Variants in CNBD1 observed in about 807,000 individuals in gnomAD.
CNBD1 encodes cyclic nucleotide binding domain containing 1, also known as cyclic nucleotide-binding domain-containing protein 1.
A neutral mutation model predicts 54.4 loss-of-function variants in CNBD1; 71 were observed. The ratio of observed to expected loss-of-function variants is 1.30; its 90% confidence interval spans 1.08 to 1.59. The LOEUF is 1.59. CNBD1 is among the 40% of genes most tolerant of loss of function. CNBD1 has a pLI of 0.00. For synonymous variants in CNBD1, 182 were observed against 170.7 expected, an observed-to-expected ratio of 1.07 and a Z score of -0.51; for missense variants, 659 against 518.0, an observed-to-expected ratio of 1.27 and a Z score of -2.64.
intron 8 of CNBD1, among the ~76,000 whole-genome samples, chr8:87,330,124 G>T (rs1809790104): frequency 6.6e-6 from 1 of 151,192 alleles, no homozygotes; most frequent in Admixed American, 6.6e-5. Context: ...CAAATTTGTG[G>T]GCATAATTAG....
chr8:87,401,699 T>C (rs1230132533), intron 2 of CNBD1, among the ~76,000 whole-genome samples: 1 of 152,006 alleles, frequency 6.6e-6, no homozygotes, highest in East Asian at 1.9e-4. Context: ...CAAATCTCAA[T>C]TAGTTTTATT....
intron 4 of CNBD1, among the ~76,000 whole-genome samples, chr8:87,021,105 T>C (rs1427817473): frequency 6.6e-6 from 1 of 152,238 alleles, no homozygotes; most frequent in Non-Finnish European, 1.5e-5. Context: ...ATTTGATTAA[T>C]GTCTCATGCA....
In CNBD1 at chr8:86,933,038, C is replaced by T. The variant is rs149550022; in HGVS notation, c.273-6558C>T. 3.0e-3 allele frequency among the ~76,000 whole-genome samples: 460 copies of T among 152,038 alleles called. 6 individuals carry two copies. The highest frequency in any genetic ancestry group is 0.011 in the African/African-American group (438 of 41,472). The stretch of plus-strand genomic sequence containing the variant: ...CTTTCCTCTTAGACCACAAAGAGGA[C>T]GGAGAAAGGTCGGAGTGGAGGGCCA... On this transcript the variant is annotated intron_variant, in intron 3 of 10. Coordinates refer to ENST00000518476, the MANE Select transcript of CNBD1 (RefSeq NM_173538.3).
chr8:87,038,491 G>A (rs972313162), intron 4 of CNBD1, among the ~76,000 whole-genome samples: 4 of 152,168 alleles, frequency 2.6e-5, no homozygotes, highest in Non-Finnish European at 5.9e-5. Context: ...GGGTCTGGGT[G>A]AAGCCATCTC....
intron 4 of CNBD1, among the ~76,000 whole-genome samples, chr8:87,087,854 G>A (rs1337007287): frequency 6.6e-6 from 1 of 152,112 alleles, no homozygotes; most frequent in African/African-American, 2.4e-5. Flanking sequence ...TTACAGATGA[G>A]GTAATGGAGA....
At chr8:87,266,596 C>T (rs551599803) in intron 6 of CNBD1, among the ~76,000 whole-genome samples, 6 of 151,396 alleles carry the variant, frequency 4.0e-5, no homozygotes, top group Middle Eastern at 3.4e-3. Flanking sequence ...GGATTACAGG[C>T]GTGTGCCACC....
chr8:86,974,840 T>G (rs1359832119), intron 4 of CNBD1, among the ~76,000 whole-genome samples: 1 of 152,052 alleles, frequency 6.6e-6, no homozygotes, highest in Non-Finnish European at 1.5e-5. Context: ...AGTTTATTAT[T>G]TCAAATTTAC....
At chr8:86,950,300 C>CA (rs1282368260) in intron 4 of CNBD1, among the ~76,000 whole-genome samples, 1 of 151,998 alleles carries the variant, frequency 6.6e-6, no homozygotes, top group Non-Finnish European at 1.5e-5. Context: ...GAACTCCTCA[C>CA]CTCATGATCC....
At chr8:86,947,872 G>A (rs1242643136) in intron 4 of CNBD1, among the ~76,000 whole-genome samples, 1 of 151,418 alleles carries the variant, frequency 6.6e-6, no homozygotes, top group Non-Finnish European at 1.5e-5. Context: ...TATTTTTTTG[G>A]TATCTTTTAG....
At chr8:87,371,939 G>T (rs530078471) in intron 10 of CNBD1, among the ~76,000 whole-genome samples, 3 of 151,780 alleles carry the variant, frequency 2.0e-5, no homozygotes, top group East Asian at 3.9e-4. Context: ...AGACAGGGAC[G>T]CCCTCTCTCA....
chr8:87,115,940 T>G (rs1269152098), intron 4 of CNBD1, among the ~76,000 whole-genome samples: 1 of 152,150 alleles, frequency 6.6e-6, no homozygotes, highest in Non-Finnish European at 1.5e-5. Context: ...TACAAATACC[T>G]TCAATGCCAG....
At chr8:87,426,348 T>G (rs1233202921) in intron 2 of CNBD1, among the ~76,000 whole-genome samples, 1 of 152,140 alleles carries the variant, frequency 6.6e-6, no homozygotes, top group Non-Finnish European at 1.5e-5. Context: ...CTTCCCTGTT[T>G]GCTTGATTTT....
At chr8:87,030,754 G>A (rs888768049) in intron 4 of CNBD1, among the ~76,000 whole-genome samples, 4 of 151,974 alleles carry the variant, frequency 2.6e-5, no homozygotes, top group Admixed American at 1.3e-4. Context: ...AAGATGGAGG[G>A]ACACACAGCT....
At chr8:87,274,521 G>A (rs1488209996) in intron 6 of CNBD1, among the ~76,000 whole-genome samples, 1 of 149,010 alleles carries the variant, frequency 6.7e-6, no homozygotes, top group Non-Finnish European at 1.5e-5. Context: ...CTGATGGCCA[G>A]TGATGGTGAG....
rs1809695268 is a variant in CNBD1, at chr8:87,327,267, G to T, written c.1043-24418G>T. ...TACTGCTGTCTTTTTGTTTGTCTGTGCCCTGCCCCCAGAGGTGGAGCCTAC... is the reference window on the plus strand; with the variant it reads ...TACTGCTGTCTTTTTGTTTGTCTGTTCCCTGCCCCCAGAGGTGGAGCCTAC... On this transcript the variant is annotated intron_variant, in intron 8 of 10. Transcript: ENST00000518476. Among the ~76,000 whole-genome samples the T allele has an allele frequency of 4.7e-5, 7 of 148,812 alleles. No homozygotes were observed. In the South Asian group the frequency reaches 1.5e-3, roughly 32 times the overall value.
chr8:86,963,530 C>A (rs1362296785), intron 4 of CNBD1, among the ~76,000 whole-genome samples: 6 of 152,298 alleles, frequency 3.9e-5, no homozygotes, highest in Non-Finnish European at 1.5e-5. Context: ...CTGGCAGGGG[C>A]TGCTCTACCA....
At chr8:87,031,049 G>A (rs944678240) in intron 4 of CNBD1, among the ~76,000 whole-genome samples, 1 of 148,380 alleles carries the variant, frequency 6.7e-6, no homozygotes, top group Middle Eastern at 3.5e-3. Context: ...GCAGATTTCT[G>A]ATTATGTTTC....
chr8:86,928,082 G>T (rs1228528160), intron 3 of CNBD1, among the ~76,000 whole-genome samples: 10 of 152,026 alleles, frequency 6.6e-5, no homozygotes, highest in African/African-American at 2.4e-4. Context: ...GTAGAGGGAA[G>T]GGACTTGACC....
At chr8:86,981,368 G>A (rs893286475) in intron 4 of CNBD1, among the ~76,000 whole-genome samples, 1 of 152,050 alleles carries the variant, frequency 6.6e-6, no homozygotes, top group Non-Finnish European at 1.5e-5. Flanking sequence ...CTAATTTCTA[G>A]AGTTTTTAGT....
Sources: gnomAD v4.1 joint callset for allele counts (sites outside exome capture counted in the v4.1 genomes callset) on GRCh38, gnomAD v4.1.1 for gene constraint, MANE v1.5 for transcripts, NCBI Gene and HGNC (gene_info 2026-07-23, HGNC 2026-07-21) for gene names.